BTRC: variants seen among roughly 807,000 people sequenced by gnomAD.
BTRC encodes the protein F-box/WD repeat-containing protein 1A.
In BTRC, 42 loss-of-function variants were observed where a neutral mutation model predicts 85.5. That is an observed-to-expected ratio of 0.49 (90% confidence interval 0.38 to 0.64). BTRC has a LOEUF of 0.64. Ranked by LOEUF, BTRC falls within the 30% of genes least tolerant of loss-of-function variation. The pLI, the probability that BTRC is intolerant of heterozygous loss-of-function variation, is 0.00. For missense variants in BTRC, 594 were observed against 743.5 expected (o/e 0.80, Z 2.34); for synonymous variants, 255 against 263.3 (o/e 0.97, Z 0.30).
intron 2 of BTRC, among the ~76,000 whole-genome samples, chr10:101,458,804 A>T (rs1305912409): frequency 6.6e-6 from 1 of 152,212 alleles, no homozygotes; most frequent in African/African-American, 2.4e-5. Context: ...AGTACATCAT[A>T]TTAAAAGGCA....
At chr10:101,477,001 G>A (rs1246565036) in intron 3 of BTRC, among the ~76,000 whole-genome samples, 1 of 152,074 alleles carries the variant, frequency 6.6e-6, no homozygotes, top group East Asian at 1.9e-4. Flanking sequence ...TTTTGAGACA[G>A]AGTCTTGCTC....
At chr10:101,422,834 GT>G (rs1352608380) in intron 1 of BTRC, among the ~76,000 whole-genome samples, 1 of 152,114 alleles carries the variant, frequency 6.6e-6, no homozygotes, top group Non-Finnish European at 1.5e-5. Flanking sequence ...CTATATCTCT[GT>G]TTTGGTACCA....
chr10:101,512,018 T>C (rs1298075861), intron 4 of BTRC, among the ~76,000 whole-genome samples: 1 of 152,224 alleles, frequency 6.6e-6, no homozygotes, highest in Admixed American at 6.5e-5. Flanking sequence ...AATTAACATA[T>C]TTATATATGT....
chr10:101,440,392 A>G (rs1367033472), intron 2 of BTRC, among the ~76,000 whole-genome samples: 1 of 152,166 alleles, frequency 6.6e-6, no homozygotes, highest in Non-Finnish European at 1.5e-5. Flanking sequence ...GGCCTTTTGC[A>G]GTTCTTCTGG....
intron 4 of BTRC, among the ~76,000 whole-genome samples, chr10:101,509,653 A>G (rs1946645970): frequency 6.7e-6 from 1 of 149,980 alleles, no homozygotes; most frequent in Non-Finnish European, 1.5e-5. Flanking sequence ...CCCAGGCTCA[A>G]GTAATCCTCC....
At position 101,359,514 on chromosome 10, in the gene BTRC, G is replaced by A. The variant is rs142720469; in HGVS notation, c.48+5286G>A. ...ACAATTTCGGTTCACTGCAACCTCCGCCTCCTGGGTTCAAATGATTCTCCT... is the reference window on the plus strand; with the variant it reads ...ACAATTTCGGTTCACTGCAACCTCCACCTCCTGGGTTCAAATGATTCTCCT... On this transcript the variant is annotated intron_variant, in intron 1 of 14. Transcript: ENST00000370187. 3.9e-5 allele frequency among the ~76,000 whole-genome samples: 6 copies of A among 152,060 alleles called. No individual in the cohort carries two copies. The East Asian group carries it at 5.8e-4, about 15-fold the overall frequency.
chr10:101,357,398 G>A (rs992985670), intron 1 of BTRC, among the ~76,000 whole-genome samples: 9 of 133,124 alleles, frequency 6.8e-5, no homozygotes, highest in African/African-American at 2.6e-4. Flanking sequence ...CTGAGATCGT[G>A]CCATTACACT....
Position 101,404,092 on chromosome 10 carries a change from C to T in BTRC, c.49-26253C>T, listed in dbSNP as rs1386552677. Among the ~76,000 whole-genome samples the T allele has an allele frequency of 1.6e-4, 20 of 124,146 alleles. 1 individual carries two copies. The highest frequency in any genetic ancestry group is 4.3e-4 in the African/African-American group (14 of 32,208). 81.4% of individuals were successfully genotyped at this position (124,146 alleles called of 152,430 possible). A position where few individuals can be genotyped will look rare whatever the true frequency, so the allele number is the denominator to read the frequency against. ...TGTCACCCAGGCTGGAGTGCAGTGG[C>T]GCATCTCAGCTCACTGCAAGCTCCG... On this transcript the variant is annotated intron_variant, in intron 1 of 14. Transcript: ENST00000370187.
chr10:101,483,324 G>A (rs1945891819), intron 4 of BTRC, among the ~76,000 whole-genome samples: 1 of 152,212 alleles, frequency 6.6e-6, no homozygotes, highest in Non-Finnish European at 1.5e-5. Flanking sequence ...GCCGGGCACG[G>A]TGGCTCACAC....
intron 1 of BTRC, among the ~76,000 whole-genome samples, chr10:101,395,030 A>G (rs1943329050): frequency 6.6e-6 from 1 of 152,216 alleles, no homozygotes; most frequent in Non-Finnish European, 1.5e-5. Context: ...AGTAGCGCCT[A>G]AATTCACGTT....
intron 1 of BTRC, among the ~76,000 whole-genome samples, chr10:101,366,899 T>TATATATTA: frequency 3.9e-5 from 1 of 25,612 alleles, no homozygotes; most frequent in Non-Finnish European, 9.3e-5. Context: ...TATATATATT[T>TATATATTA]ATATATATTA....
intron 1 of BTRC, among the ~76,000 whole-genome samples, chr10:101,370,806 A>G (rs1942613417): frequency 6.6e-6 from 1 of 152,046 alleles, no homozygotes; most frequent in African/African-American, 2.4e-5. Flanking sequence ...TCCTGGGCTC[A>G]AGTGATTCAC....
chr10:101,481,053 C>T (rs1016754814), intron 4 of BTRC, among the ~76,000 whole-genome samples: 3 of 152,198 alleles, frequency 2.0e-5, no homozygotes, highest in African/African-American at 7.2e-5. Context: ...TCCCGAGTAG[C>T]TGAAAACATG....
At chr10:101,362,910 A>C (rs1247169704) in intron 1 of BTRC, among the ~76,000 whole-genome samples, 3 of 152,222 alleles carry the variant, frequency 2.0e-5, no homozygotes, top group African/African-American at 7.2e-5. Context: ...TTTACATTGC[A>C]TTATTATATG....
chr10:101,501,969 T>C (rs1422694824), intron 4 of BTRC, among the ~76,000 whole-genome samples: 4 of 152,200 alleles, frequency 2.6e-5, no homozygotes, highest in South Asian at 2.1e-4. Context: ...CAAAATTCTA[T>C]GTCTTTTCTC....
At chr10:101,402,203 A>G (rs1564749405) in intron 1 of BTRC, among the ~76,000 whole-genome samples, 1 of 152,088 alleles carries the variant, frequency 6.6e-6, no homozygotes. Flanking sequence ...TGAGGAGGTT[A>G]TGTTTTTTTA....
chr10:101,423,789 CTT>C (rs937944102), intron 1 of BTRC, among the ~76,000 whole-genome samples: 1 of 152,214 alleles, frequency 6.6e-6, no homozygotes, highest in African/African-American at 2.4e-5. Flanking sequence ...TACTTATCCT[CTT>C]TTTGTACTCC....
At chr10:101,416,688 C>T (rs534608216) in intron 1 of BTRC, among the ~76,000 whole-genome samples, 25 of 152,250 alleles carry the variant, frequency 1.6e-4, no homozygotes, top group African/African-American at 5.5e-4. Context: ...ATCTTACTCT[C>T]TGCGTGTAAA....
At chr10:101,508,921 A>AAAAACAAAAAAC (rs1946614925) in intron 4 of BTRC, among the ~76,000 whole-genome samples, 1 of 149,594 alleles carries the variant, frequency 6.7e-6, no homozygotes, top group Admixed American at 6.6e-5. Flanking sequence ...CTTAAAAAAA[A>AAAAACAAAAAAC]AAAAAAAAAA....
Sources: allele counts gnomAD v4.1 joint callset (sites outside exome capture counted in the v4.1 genomes callset), GRCh38; gene constraint gnomAD v4.1.1; transcripts MANE v1.5; gene names NCBI Gene and HGNC (gene_info 2026-07-23, HGNC 2026-07-21).